Variants in SPATS2L observed in about 807,000 individuals in gnomAD.
SPATS2L encodes the protein spermatogenesis associated serine rich 2 like.
Under a neutral mutation model 59.6 loss-of-function variants are expected in SPATS2L, and 30 were observed. The ratio of observed to expected loss-of-function variants is 0.50; its 90% CI spans 0.38 to 0.68. The LOEUF (loss-of-function observed/expected upper bound fraction) is 0.68, where lower values mean the gene tolerates loss of function less well. Among genes scored for constraint, SPATS2L ranks in the 30% least tolerant of loss-of-function variants. The pLI is 0.00. For missense variants in SPATS2L, 615 were observed against 700.0 expected (o/e 0.88, Z 1.37); for synonymous variants, 252 against 263.5 (o/e 0.96, Z 0.42).
chr2:200,315,704 C>G (rs2079348386), intron 1 of SPATS2L, among the ~76,000 whole-genome samples: 1 of 152,062 alleles, frequency 6.6e-6, no homozygotes, highest in Non-Finnish European at 1.5e-5. Flanking sequence ...CCTTAAGACA[C>G]TGAGGGCAGT....
chr2:200,457,864 CA>C (rs1378933786), intron 8 of SPATS2L, among the ~76,000 whole-genome samples: 1 of 152,148 alleles, frequency 6.6e-6, no homozygotes, highest in Non-Finnish European at 1.5e-5. Flanking sequence ...ACAAATACTG[CA>C]AAATTTTTCA....
rs771034906 is a variant in SPATS2L, at chr2:200,472,813, G to A, written c.1061-19G>A. 1.2e-6 allele frequency: 2 copies of A among 1,610,392 alleles called. No individual in the cohort carries two copies. The highest frequency in any genetic ancestry group is 1.3e-5 in the African/African-American group (1 of 74,854). Reference sequence around the variant, plus strand: ...TGTTGGAGGTGCAGCTCGTAACACTGAGCACTTTATTATTGCAGTTACACA... The same window carrying A: ...TGTTGGAGGTGCAGCTCGTAACACTAAGCACTTTATTATTGCAGTTACACA... On this transcript the variant is annotated intron_variant, in intron 11 of 12. Transcript: ENST00000409140.
chr2:200,472,585 T>C (rs943885316), intron 11 of SPATS2L, among the ~76,000 whole-genome samples: 2 of 152,250 alleles, frequency 1.3e-5, no homozygotes, highest in African/African-American at 4.8e-5. Context: ...ATGTCTTATT[T>C]CCTACAAATG....
Position 200,472,959 on chromosome 2 carries a change from G to T in SPATS2L, c.1188G>T (p.Lys396Asn). The change falls in exon 12 of 13, where the codon AAG (lysine) becomes AAT (asparagine). Residue 396 changes from lysine (K) to asparagine (N), a missense_variant. Physicochemically the swap from Lys to Asn is moderately conservative, Grantham distance 94 (BLOSUM62 0). Coordinates refer to ENST00000409140, the MANE Select transcript of SPATS2L (RefSeq NM_001100423.2). The stretch of plus-strand genomic sequence containing the variant: ...CCCGAAAATCATCCACTCACAATAA[G>T]CCCTCTGAAGGCAAAGCGGCAAACC... ...NFSRKSSTHNKPSEGKAANPK... is the reference protein window; with the variant it reads ...NFSRKSSTHNNPSEGKAANPK... 6.2e-7 allele frequency: 1 copy of T among 1,613,700 alleles called. No homozygotes were observed. Among genetic ancestry groups the T allele is most frequent in the Non-Finnish European group, 8.5e-7 (1 of 1,179,858 alleles).
intron 2 of SPATS2L, among the ~76,000 whole-genome samples, chr2:200,385,193 A>G (rs1324402380): frequency 6.6e-6 from 1 of 152,140 alleles, no homozygotes; most frequent in African/African-American, 2.4e-5. Context: ...TGTCAGGGAG[A>G]AGGTCTGTTG....
At chr2:200,334,146 A>C (rs1389057813) in intron 2 of SPATS2L, among the ~76,000 whole-genome samples, 1 of 152,142 alleles carries the variant, frequency 6.6e-6, no homozygotes, top group Admixed American at 6.6e-5. Flanking sequence ...CTATTTCTCC[A>C]CATCCTCTCC....
chr2:200,449,122 T>A (rs569403475), intron 8 of SPATS2L, among the ~76,000 whole-genome samples: 32 of 152,360 alleles, frequency 2.1e-4, no homozygotes, highest in African/African-American at 7.7e-4. Flanking sequence ...TCTTTCTAAA[T>A]AGGTGTAGCT....
intron 4 of SPATS2L, among the ~76,000 whole-genome samples, chr2:200,415,827 C>G (rs2083034176): frequency 6.6e-6 from 1 of 152,016 alleles, no homozygotes. Context: ...AAGGTAGAAG[C>G]CTTGTAGACC....
chr2:200,459,935 A>G, intron 9 of SPATS2L, 108 bp downstream of exon 9: 1 of 856,738 alleles, frequency 1.2e-6, no homozygotes, highest in Admixed American at 2.9e-5. Flanking sequence ...TAAAATTTAT[A>G]TTGAAATTTT....
In SPATS2L at chr2:200,477,887, G is replaced by A; in HGVS notation, c.1533G>A (p.Arg511=). The A allele has an allele frequency of 6.2e-7, 1 of 1,609,888 alleles. No individual in the cohort carries two copies. ...CCCATTCTGAAAAGCCCCGGCGAAG[G>A]CAGCACGCTGCAGACACCTCGGAGG... ...APAHSEKPRR[R]QHAADTSEAR... is the part of the protein sequence containing the mutation. The change falls in exon 13 of 13, where the codon AGG becomes AGA. Residue 511 remains arginine (R), a synonymous_variant. Transcript: ENST00000409140.
At chr2:200,397,146 C>A (rs2082380776) in intron 3 of SPATS2L, among the ~76,000 whole-genome samples, 1 of 152,200 alleles carries the variant, frequency 6.6e-6, no homozygotes, top group Admixed American at 6.5e-5. Flanking sequence ...GCTTCTCCTG[C>A]CTCTCCACCC....
intron 2 of SPATS2L, among the ~76,000 whole-genome samples, chr2:200,377,470 C>T (rs976676347): frequency 5.3e-5 from 8 of 152,170 alleles, no homozygotes; most frequent in Admixed American, 3.9e-4. Context: ...GGGGCCTGAT[C>T]TGAGAGGGAA....
At chr2:200,328,555 A>G (rs997593743) in intron 1 of SPATS2L, among the ~76,000 whole-genome samples, 1 of 152,176 alleles carries the variant, frequency 6.6e-6, no homozygotes, top group Non-Finnish European at 1.5e-5. Flanking sequence ...AGCCAGGAAC[A>G]GCATCTCGTG....
intron 2 of SPATS2L, among the ~76,000 whole-genome samples, chr2:200,367,338 GC>G (rs1175522953): frequency 6.6e-6 from 1 of 152,076 alleles, no homozygotes; most frequent in Admixed American, 6.6e-5. Context: ...ACTCAGCAAA[GC>G]CCACTTCCAG....
At chr2:200,438,082 C>T (rs1035257273) in intron 6 of SPATS2L, among the ~76,000 whole-genome samples, 2 of 152,006 alleles carry the variant, frequency 1.3e-5, no homozygotes, top group Admixed American at 1.3e-4. Context: ...AATATAAAAC[C>T]GTGGTACCAT....
At chr2:200,401,123 C>T (rs1451988143) in intron 3 of SPATS2L, among the ~76,000 whole-genome samples, 1 of 152,196 alleles carries the variant, frequency 6.6e-6, no homozygotes, top group Non-Finnish European at 1.5e-5. Context: ...AACAGTCTGA[C>T]TGTTCCACCA....
At chr2:200,472,796 G>A (rs1426732623) in intron 11 of SPATS2L, 36 bp from the exon 12 acceptor site, 10 of 1,572,656 alleles carry the variant, frequency 6.4e-6, no homozygotes, top group South Asian at 1.1e-5. Context: ...AGTGTTGGAG[G>A]TGCAGCTCGT....
At chr2:200,312,526 A>G (rs1316766831) in intron 1 of SPATS2L, among the ~76,000 whole-genome samples, 1 of 152,244 alleles carries the variant, frequency 6.6e-6, no homozygotes, top group Non-Finnish European at 1.5e-5. Context: ...ATAGGCCCCC[A>G]TCACTAAACA....
At chr2:200,409,546 A>G (rs1020647004) in intron 3 of SPATS2L, among the ~76,000 whole-genome samples, 2 of 152,234 alleles carry the variant, frequency 1.3e-5, no homozygotes, top group African/African-American at 4.8e-5. Context: ...GCTGAGAAAC[A>G]ATGCCGCTGT....
Sources: gnomAD v4.1 joint callset for allele counts (sites outside exome capture counted in the v4.1 genomes callset) on GRCh38, gnomAD v4.1.1 for gene constraint, MANE v1.5 for transcripts, NCBI Gene and HGNC (gene_info 2026-07-23, HGNC 2026-07-21) for gene names.